The following NEB variants were observed in gnomAD, a reference collection of about 807,000 sequenced individuals.
NEB encodes the protein nemaline myopathy type 2.
NEB carries 512 observed loss-of-function variants against 952.2 expected under a neutral mutation model. That is an observed-to-expected ratio of 0.54 (90% confidence interval 0.50 to 0.58). The LOEUF is 0.58. Among genes scored for constraint, NEB ranks in the 20% least tolerant of loss-of-function variants. NEB has a pLI of 0.00. For missense variants in NEB, 8,428 were observed against 9,231.1 expected, an observed-to-expected ratio of 0.91 and a Z score of 3.56; for synonymous variants, 2,900 against 3,149.8, an observed-to-expected ratio of 0.92 and a Z score of 2.66.
intron 142 of NEB, 67 bp downstream of exon 142, chr2:151,535,624 T>C: frequency 9.9e-7 from 1 of 1,014,128 alleles, no homozygotes. Flanking sequence ...GGCTTTAATT[T>C]AAAAAAACTC....
intron 40 of NEB, 117 bp from the exon 41 acceptor site, chr2:151,666,518 G>T (rs1575598548): frequency 3.2e-6 from 3 of 928,004 alleles, no homozygotes; most frequent in South Asian, 1.9e-5. Flanking sequence ...TAACATCGAA[G>T]TTTTTTTTTG....
At chr2:151,578,922 A>C (rs1464001694) in intron 105 of NEB, among the ~76,000 whole-genome samples, 1 of 151,052 alleles carries the variant, frequency 6.6e-6, no homozygotes, top group Admixed American at 6.6e-5. Context: ...TCTCTAATAA[A>C]AATACAAAAA....
At position 151,619,502 on chromosome 2, in the gene NEB, G is replaced by A. The variant is rs375814899; in HGVS notation, c.10821C>T (p.Pro3607=). ...KHPLHEWICL[P]DQNDIIHARK... ...GTGCATGAATGATGTCATTCTGGTCGGGCAGGCAGATCCATTCATGCAGAG... is the reference window on the plus strand; with the variant it reads ...GTGCATGAATGATGTCATTCTGGTCAGGCAGGCAGATCCATTCATGCAGAG... Residue 3607 remains proline, a synonymous_variant, in exon 73 of 182, where the codon CCC becomes CCT. Transcript: ENST00000397345. The A allele has an allele frequency of 6.5e-5, 105 of 1,613,054 alleles. 1 individual carries two copies. Among genetic ancestry groups the A allele is most frequent in the African/African-American group, 1.2e-4 (9 of 74,896 alleles).
chr2:151,636,880 T>C (rs767392746), intron 63 of NEB, among the ~76,000 whole-genome samples: 9 of 152,196 alleles, frequency 5.9e-5, no homozygotes, highest in Non-Finnish European at 1.2e-4. Flanking sequence ...TATATACATA[T>C]TACAGGTTGT....
chr2:151,547,685 G>A lies in NEB; in HGVS notation c.20211C>T (p.Pro6737=), dbSNP rs771038288. ...TGACTTGGCGGATCTCAGGGGTATC[G>A]GGAGTTGTATGGATCTTGTCTTTCA... ...HKLKDKIHTT[P]DTPEIRQVKK... Residue 6737 remains proline, a synonymous_variant, in exon 132 of 182, where the codon CCC becomes CCT. Coordinates refer to ENST00000397345, the MANE Select transcript of NEB (RefSeq NM_001164508.2). The A allele has an allele frequency of 1.4e-5, 23 of 1,613,524 alleles. No individual in the cohort carries two copies. The African/African-American group carries it at 2.5e-4, about 18-fold the overall frequency.
intron 105 of NEB, among the ~76,000 whole-genome samples, chr2:151,578,433 G>A (rs963311111): frequency 6.6e-6 from 1 of 151,556 alleles, no homozygotes; most frequent in Non-Finnish European, 1.5e-5. Context: ...GCCAAGGCAG[G>A]TGGATCACCT....
intron 107 of NEB, 103 bp downstream of exon 107, chr2:151,575,592 G>T: frequency 5.0e-6 from 4 of 799,958 alleles, no homozygotes; most frequent in East Asian, 2.6e-5. Flanking sequence ...CCCCTGTTGC[G>T]GGAAGTCAGG....
chr2:151,688,203 G>T, intron 25 of NEB, 89 bp downstream of exon 25: 2 of 1,097,788 alleles, frequency 1.8e-6, no homozygotes, highest in Non-Finnish European at 1.3e-6. Context: ...TTGTTTATTT[G>T]CACAATTCCT....
chr2:151,636,278 G>A lies in NEB; in HGVS notation c.9051C>T (p.Ser3017=), dbSNP rs777722290. The change falls in exon 64 of 182, where the codon AGC becomes AGT. Residue 3017 remains serine, a synonymous_variant. Transcript: ENST00000397345. ...EAKKKGYDLR[S]DAIPIVAAKA... The stretch of plus-strand genomic sequence containing the variant: ...TGGCCGCCACGATGGGGATGGCGTC[G>A]CTTCGCAAGTCATAGCCTTTCTTCT... The A allele has an allele frequency of 4.2e-5, 68 of 1,609,844 alleles. No individual in the cohort carries two copies. The highest frequency in any genetic ancestry group is 3.3e-4 in the Middle Eastern group (2 of 6,060).
chr2:151,656,668 T>C (rs946553338), intron 48 of NEB, among the ~76,000 whole-genome samples: 6 of 152,020 alleles, frequency 3.9e-5, no homozygotes, highest in African/African-American at 1.4e-4. Context: ...GATAGAAAAG[T>C]TCTTATTACT....
chr2:151,561,689 A>G (rs2096072758), intron 121 of NEB, among the ~76,000 whole-genome samples: 1 of 151,492 alleles, frequency 6.6e-6, no homozygotes, highest in African/African-American at 2.4e-5. Flanking sequence ...CCTCACTTTT[A>G]ACATTCCATT....
chr2:151,633,723 G>C lies in NEB; in HGVS notation c.9345C>G (p.His3115Gln). The change falls in exon 65 of 182, where the codon CAC becomes CAG. Residue 3115 changes from histidine to glutamine, a missense_variant. Coordinates refer to ENST00000397345, the MANE Select transcript of NEB (RefSeq NM_001164508.2). ...TCTGGTCAGGCAGGCATGTCCACTC[G>C]TGCAGGTAGTTCTTATAGTCCACGT... ...VSDVDYKNYL[H>Q]EWTCLPDQSD... The C allele has an allele frequency of 6.2e-7, 1 of 1,613,966 alleles. No homozygotes were observed. The highest frequency in any genetic ancestry group is 2.2e-5 in the East Asian group (1 of 44,876).
chr2:151,627,958 C>A, intron 68 of NEB, 124 bp from the exon 69 acceptor site: 1 of 1,252,332 alleles, frequency 8.0e-7, no homozygotes, highest in East Asian at 2.5e-5. Context: ...ATCTGCATAT[C>A]AGTTTATCTC....
chr2:151,671,986 G>GAA (rs11444927), intron 37 of NEB, among the ~76,000 whole-genome samples: 1,709 of 147,328 alleles, frequency 0.012, 12 homozygotes, highest in Middle Eastern at 0.021. Context: ...GTTAATAAAG[G>GAA]AAAAAAAAAA....
rs746940000 is a variant in NEB at position 151,710,427 on chromosome 2, A to C, written c.927+7T>G. 6.3e-7 allele frequency: 1 copy of C among 1,596,328 alleles called. No homozygotes were observed. The highest frequency in any genetic ancestry group is 8.6e-7 in the Non-Finnish European group (1 of 1,166,010). ...GATGACCAACCAGCCATCCCTTCCC[A>C]CTTAACTGTGCTAATGTTATCAGCA... is the stretch of plus-strand genomic sequence containing the variant. On this transcript the variant is annotated splice_region_variant and intron_variant, in intron 11 of 181. Coordinates refer to ENST00000397345, the MANE Select transcript of NEB (RefSeq NM_001164508.2).
intron 13 of NEB, among the ~76,000 whole-genome samples, chr2:151,701,248 G>A (rs894492862): frequency 1.5e-4 from 23 of 148,608 alleles, no homozygotes; most frequent in Non-Finnish European, 2.4e-4. Flanking sequence ...TTTTTGATGT[G>A]CTGCTGGATT....
In NEB at chr2:151,556,371, G is replaced by A. The variant is rs532955484; in HGVS notation, c.19315-1327C>T. 2.4e-4 allele frequency among the ~76,000 whole-genome samples: 37 copies of A among 152,272 alleles called. No homozygotes were observed. In the South Asian group the frequency reaches 6.8e-3, roughly 28 times the overall value. The stretch of plus-strand genomic sequence containing the variant: ...CCAGAAGAAACTCAGGTAAACTTCA[G>A]GGGTGTGTGTCTGTGTATGTGAACT... On this transcript the variant is annotated intron_variant, in intron 124 of 181. Transcript: ENST00000397345.
rs747500560 is a variant in NEB at position 151,695,635 on chromosome 2, G to A, written c.1617C>T (p.Ile539=). The A allele has an allele frequency of 5.0e-6, 8 of 1,613,826 alleles. No homozygotes were observed. The highest frequency in any genetic ancestry group is 2.7e-5 in the African/African-American group (2 of 74,924). ...GGATAAAAGCAGGAGTATCAGGGGG[G>A]ATATGGCACTTGAACTTTTCACTTT... ...KHESEKFKCH[I]PPDTPAFIQH... The change falls in exon 18 of 182, where the codon ATC becomes ATT. Residue 539 remains isoleucine (I), a synonymous_variant. Coordinates refer to ENST00000397345, the MANE Select transcript of NEB (RefSeq NM_001164508.2).
At chr2:151,682,264 G>A (rs1192817811) in intron 29 of NEB, among the ~76,000 whole-genome samples, 1 of 152,154 alleles carries the variant, frequency 6.6e-6, no homozygotes, top group African/African-American at 2.4e-5. Flanking sequence ...AAATTCAATT[G>A]CAGTGATGAC....
Sources: gnomAD v4.1 joint callset for allele counts (sites outside exome capture counted in the v4.1 genomes callset) on GRCh38, gnomAD v4.1.1 for gene constraint, MANE v1.5 for transcripts, NCBI Gene and HGNC (gene_info 2026-07-23, HGNC 2026-07-21) for gene names.